Variants in CSMD3 observed in about 807,000 individuals in gnomAD.
CSMD3 encodes the protein CUB and Sushi multiple domains 3.
In CSMD3, 177 loss-of-function variants were observed where a neutral mutation model predicts 435.2. The observed-to-expected ratio is 0.41, with a 90% CI of 0.36 to 0.46. The LOEUF (loss-of-function observed/expected upper bound fraction) is 0.46. CSMD3 is among the 20% of genes least tolerant of loss of function. The pLI, the probability that CSMD3 is intolerant of heterozygous loss-of-function variation, is 0.34. For missense variants in CSMD3, 4,265 were observed against 4,504.6 expected (o/e 0.95, Z 1.52); for synonymous variants, 1,656 against 1,520.5 (o/e 1.09, Z -2.07).
chr8:112,876,102 C>A (rs1278525679), intron 10 of CSMD3, among the ~76,000 whole-genome samples: 3 of 151,906 alleles, frequency 2.0e-5, no homozygotes, highest in African/African-American at 4.8e-5. Flanking sequence ...GGTTCCTGGG[C>A]ACATACACCC....
intron 25 of CSMD3, among the ~76,000 whole-genome samples, chr8:112,553,471 A>G (rs190325307): frequency 8.6e-4 from 131 of 152,216 alleles, no homozygotes; most frequent in Admixed American, 1.3e-3. Context: ...AGAGAAACTA[A>G]GTATTTTAGT....
At chr8:113,385,736 A>T (rs1368183170) in intron 1 of CSMD3, among the ~76,000 whole-genome samples, 1 of 152,130 alleles carries the variant, frequency 6.6e-6, no homozygotes, top group African/African-American at 2.4e-5. Flanking sequence ...AAGAAAAGAT[A>T]AAATACCCAA....
intron 3 of CSMD3, among the ~76,000 whole-genome samples, chr8:113,219,502 G>A (rs1183599063): frequency 6.6e-6 from 1 of 151,272 alleles, no homozygotes; most frequent in African/African-American, 2.4e-5. Context: ...ATATACCCAA[G>A]TATATAAAAG....
chr8:112,288,019 C>T (rs192122837), intron 57 of CSMD3, among the ~76,000 whole-genome samples: 33 of 126,594 alleles, frequency 2.6e-4, no homozygotes, highest in Admixed American at 2.3e-3. Context: ...AGAGAGTGAG[C>T]GAGCTAGAGA....
chr8:112,547,415 G>A (rs950894149), intron 27 of CSMD3, among the ~76,000 whole-genome samples: 1 of 152,146 alleles, frequency 6.6e-6, no homozygotes, highest in Middle Eastern at 3.4e-3. Context: ...GTGAAGTGTG[G>A]TGCACACCTG....
intron 47 of CSMD3, among the ~76,000 whole-genome samples, chr8:112,318,570 T>C (rs1277471802): frequency 6.6e-6 from 1 of 151,976 alleles, no homozygotes; most frequent in Non-Finnish European, 1.5e-5. Context: ...TTCCCATCCC[T>C]AAGAGCAAAA....
chr8:112,987,850 T>C (rs901831889), intron 6 of CSMD3, among the ~76,000 whole-genome samples: 2 of 152,070 alleles, frequency 1.3e-5, no homozygotes, highest in African/African-American at 4.8e-5. Context: ...AAATTTTCTC[T>C]ATATTCCCTC....
chr8:112,865,210 G>A (rs556596718), intron 10 of CSMD3, among the ~76,000 whole-genome samples: 2 of 152,256 alleles, frequency 1.3e-5, no homozygotes, highest in East Asian at 3.9e-4. Flanking sequence ...GTAACCTTCA[G>A]GCATTTAGAT....
chr8:112,981,559 A>T (rs2085054115), intron 6 of CSMD3, among the ~76,000 whole-genome samples: 1 of 151,636 alleles, frequency 6.6e-6, no homozygotes, highest in South Asian at 2.1e-4. Flanking sequence ...TTGATGAAAT[A>T]ATATGCAAAA....
At chr8:113,387,353 C>A (rs1220780701) in intron 1 of CSMD3, among the ~76,000 whole-genome samples, 2 of 151,716 alleles carry the variant, frequency 1.3e-5, no homozygotes, top group Non-Finnish European at 3.0e-5. Flanking sequence ...ACGAATACAG[C>A]AGTAATTCTA....
chr8:113,257,911 C>A (rs2093396724), intron 3 of CSMD3, among the ~76,000 whole-genome samples: 1 of 151,788 alleles, frequency 6.6e-6, no homozygotes, highest in Non-Finnish European at 1.5e-5. Flanking sequence ...TTTTAATTTG[C>A]TGATTTATGT....
intron 13 of CSMD3, among the ~76,000 whole-genome samples, chr8:112,732,938 C>T (rs1246110111): frequency 6.6e-5 from 10 of 151,994 alleles, no homozygotes. Flanking sequence ...AGACTAAATG[C>T]AATATGAAAA....
chr8:112,594,318 A>T (rs1831477867), intron 22 of CSMD3, among the ~76,000 whole-genome samples: 1 of 152,166 alleles, frequency 6.6e-6, no homozygotes, highest in African/African-American at 2.4e-5. Flanking sequence ...ACCGGCTTAA[A>T]AAACGGCGCA....
intron 13 of CSMD3, among the ~76,000 whole-genome samples, chr8:112,742,524 T>C (rs1259943659): frequency 1.3e-5 from 2 of 151,982 alleles, no homozygotes; most frequent in Non-Finnish European, 2.9e-5. Flanking sequence ...GTTTGAATAC[T>C]GTATTTTAAA....
chr8:113,117,731 G>A (rs995887170), intron 4 of CSMD3, among the ~76,000 whole-genome samples: 1 of 152,228 alleles, frequency 6.6e-6, no homozygotes, highest in African/African-American at 2.4e-5. Context: ...AAGGCCATGG[G>A]AGCCCACCTC....
At chr8:112,559,390 C>T (rs1173923197) in intron 24 of CSMD3, among the ~76,000 whole-genome samples, 1 of 151,756 alleles carries the variant, frequency 6.6e-6, no homozygotes, top group African/African-American at 2.4e-5. Flanking sequence ...TCCCACCTTC[C>T]AGGAGAGGAG....
intron 13 of CSMD3, among the ~76,000 whole-genome samples, chr8:112,708,317 T>C (rs888978931): frequency 6.6e-6 from 1 of 152,148 alleles, no homozygotes; most frequent in African/African-American, 2.4e-5. Flanking sequence ...ACCCAGATGG[T>C]AGAGAATGTC....
chr8:112,989,116 A>T (rs2085355472), intron 6 of CSMD3, among the ~76,000 whole-genome samples: 1 of 152,080 alleles, frequency 6.6e-6, no homozygotes, highest in Non-Finnish European at 1.5e-5. Flanking sequence ...TTTCCTAAGA[A>T]ATATTACATT....
chr8:112,876,174 G>A (rs944960065), intron 10 of CSMD3, among the ~76,000 whole-genome samples: 1 of 152,062 alleles, frequency 6.6e-6, no homozygotes, highest in Non-Finnish European at 1.5e-5. Flanking sequence ...TTCTGAAACT[G>A]AGGTAGTAAT....
Sources: gnomAD v4.1 joint callset for allele counts (sites outside exome capture counted in the v4.1 genomes callset) on GRCh38, gnomAD v4.1.1 for gene constraint, MANE v1.5 for transcripts, NCBI Gene and HGNC (gene_info 2026-07-23, HGNC 2026-07-21) for gene names.